Variants in FOXN3 observed in about 807,000 individuals in gnomAD.
FOXN3 encodes forkhead box N3.
FOXN3 carries 7 observed loss-of-function variants against 38.4 expected under a neutral mutation model. The ratio of observed to expected loss-of-function variants is 0.18; its 90% CI spans 0.10 to 0.34. The LOEUF (loss-of-function observed/expected upper bound fraction) is 0.34. Among genes scored for constraint, FOXN3 ranks in the 10% least tolerant of loss-of-function variants. The probability of loss-of-function intolerance (pLI) is 1.00; values close to 1 mark genes in which losing one functional copy is unlikely to be tolerated. For missense variants in FOXN3, 456 were observed against 613.4 expected, an observed-to-expected ratio of 0.74 and a Z score of 2.71; for synonymous variants, 230 against 242.2, an observed-to-expected ratio of 0.95 and a Z score of 0.47.
chr14:89,252,753 A>G (rs1885497992), intron 4 of FOXN3, among the ~76,000 whole-genome samples: 1 of 152,172 alleles, frequency 6.6e-6, no homozygotes, highest in South Asian at 2.1e-4. Context: ...CATTTTACCT[A>G]TTCCTCGATT....
At chr14:89,584,781 T>C (rs1895811699) in intron 1 of FOXN3, among the ~76,000 whole-genome samples, 1 of 152,118 alleles carries the variant, frequency 6.6e-6, no homozygotes, top group African/African-American at 2.4e-5. Context: ...GGCACAATTT[T>C]GGCTCACTGC....
chr14:89,281,565 C>T (rs1263786850), intron 3 of FOXN3, among the ~76,000 whole-genome samples: 1 of 151,478 alleles, frequency 6.6e-6, no homozygotes, highest in African/African-American at 2.5e-5. Flanking sequence ...TAAAATGTTG[C>T]ACTCCATACC....
At chr14:89,388,020 T>C (rs979955216) in intron 2 of FOXN3, among the ~76,000 whole-genome samples, 11 of 152,168 alleles carry the variant, frequency 7.2e-5, no homozygotes, top group Non-Finnish European at 1.3e-4. Flanking sequence ...CTGTCTCTAC[T>C]AAAAATACAA....
intron 3 of FOXN3, among the ~76,000 whole-genome samples, chr14:89,293,783 C>T (rs1051749592): frequency 6.6e-6 from 1 of 152,036 alleles, no homozygotes; most frequent in Admixed American, 6.6e-5. Flanking sequence ...CACAATTCAC[C>T]CCAGACAGTG....
At chr14:89,527,082 A>G (rs1021104425) in intron 1 of FOXN3, among the ~76,000 whole-genome samples, 2 of 148,472 alleles carry the variant, frequency 1.3e-5, no homozygotes, top group African/African-American at 5.0e-5. Context: ...AAGGGAGGAG[A>G]GGAGGAGGAA....
At chr14:89,396,515 G>A (rs908312204) in intron 2 of FOXN3, among the ~76,000 whole-genome samples, 3 of 152,174 alleles carry the variant, frequency 2.0e-5, no homozygotes, top group Admixed American at 6.5e-5. Context: ...TCAAATCCAG[G>A]TACAGATGCT....
intron 1 of FOXN3, among the ~76,000 whole-genome samples, chr14:89,615,486 T>G (rs1173709683): frequency 6.6e-6 from 1 of 152,230 alleles, no homozygotes; most frequent in Non-Finnish European, 1.5e-5. Flanking sequence ...TGCCACAGGT[T>G]TGCAGAGAAT....
At chr14:89,245,061 C>T (rs1650827204) in intron 4 of FOXN3, among the ~76,000 whole-genome samples, 1 of 152,144 alleles carries the variant, frequency 6.6e-6, no homozygotes, top group African/African-American at 2.4e-5. Context: ...ACAGTGGGTG[C>T]TGCTGAATGA....
chr14:89,596,924 T>G (rs1016265635), intron 1 of FOXN3, among the ~76,000 whole-genome samples: 1 of 152,184 alleles, frequency 6.6e-6, no homozygotes, highest in African/African-American at 2.4e-5. Context: ...TTCATTGATT[T>G]TATTAGTCCT....
At chr14:89,375,108 G>T (rs1240337770) in intron 2 of FOXN3, among the ~76,000 whole-genome samples, 1 of 152,180 alleles carries the variant, frequency 6.6e-6, no homozygotes, top group Admixed American at 6.5e-5. Context: ...GGAGGGGTAG[G>T]AGATTGACTT....
chr14:89,382,346 C>T (rs1596241494), intron 2 of FOXN3, among the ~76,000 whole-genome samples: 4 of 152,284 alleles, frequency 2.6e-5, no homozygotes, highest in East Asian at 1.9e-4. Context: ...CATGCCTCTC[C>T]GTGCTCCAAG....
At chr14:89,290,791 C>A in intron 3 of FOXN3, 1 of 273,532 alleles carries the variant, frequency 3.7e-6, no homozygotes, top group South Asian at 3.8e-5. Flanking sequence ...TGTGCCAGAG[C>A]CCTGGTTCTG....
At chr14:89,333,762 A>AAC (rs1888337153) in intron 3 of FOXN3, among the ~76,000 whole-genome samples, 2 of 120,914 alleles carry the variant, frequency 1.7e-5, no homozygotes, top group Admixed American at 8.6e-5. Context: ...AAAAAAAAAA[A>AAC]AAAAAAAAAA....
At chr14:89,166,743 C>A (rs367896587) in intron 5 of FOXN3, among the ~76,000 whole-genome samples, 2 of 152,190 alleles carry the variant, frequency 1.3e-5, no homozygotes, top group African/African-American at 4.8e-5. Context: ...GAGATTTTAG[C>A]TTGGGATTAT....
At chr14:89,283,304 G>T (rs947614169) in intron 3 of FOXN3, among the ~76,000 whole-genome samples, 10 of 152,184 alleles carry the variant, frequency 6.6e-5, no homozygotes, top group Non-Finnish European at 1.5e-4. Context: ...AGAACCTGCT[G>T]TCATACTTAC....
chr14:89,464,737 C>T lies in FOXN3; in HGVS notation c.-14-52247G>A, dbSNP rs186736777. On this transcript the variant is annotated intron_variant, in intron 1 of 6. Coordinates refer to the FOXN3 transcript ENST00000345097. Reference sequence around the variant, plus strand: ...TTTTTGAGACGGAGTCTTGCTCTGTCGCCAAGCTGGGGTACAATGGCACGA... The same window carrying T: ...TTTTTGAGACGGAGTCTTGCTCTGTTGCCAAGCTGGGGTACAATGGCACGA... Among the ~76,000 whole-genome samples, 51 of 152,060 alleles carry T rather than the reference C, an allele frequency of 3.4e-4. No individual in the cohort carries two copies. In the East Asian group the frequency reaches 5.8e-3, roughly 17 times the overall value.
chr14:89,342,445 G>A (rs1888644828), intron 3 of FOXN3, among the ~76,000 whole-genome samples: 1 of 152,184 alleles, frequency 6.6e-6, no homozygotes, highest in Non-Finnish European at 1.5e-5. Flanking sequence ...ATTATTCTAT[G>A]AGACCAACTC....
At chr14:89,591,025 C>T (rs960945736) in intron 1 of FOXN3, among the ~76,000 whole-genome samples, 4 of 152,214 alleles carry the variant, frequency 2.6e-5, no homozygotes, top group African/African-American at 9.6e-5. Flanking sequence ...ATAGCTTTCT[C>T]TGTATCTTTA....
At chr14:89,513,581 T>C (rs61996494) in intron 1 of FOXN3, among the ~76,000 whole-genome samples, 44,135 of 151,676 alleles carry the variant, frequency 0.29, 6,650 homozygotes, top group Non-Finnish European at 0.33. Context: ...TTGAGTTTGT[T>C]TGTATTTTTA....
Sources: gnomAD v4.1 joint callset for allele counts (sites outside exome capture counted in the v4.1 genomes callset) on GRCh38, gnomAD v4.1.1 for gene constraint, MANE v1.5 for transcripts, NCBI Gene and HGNC (gene_info 2026-07-23, HGNC 2026-07-21) for gene names.